The following PIP5K1B variants were observed in gnomAD, a reference collection of about 807,000 sequenced individuals.
PIP5K1B encodes phosphatidylinositol-4-phosphate 5-kinase type 1 beta.
In PIP5K1B, 42 loss-of-function variants were observed where a neutral mutation model predicts 67.0. The observed-to-expected ratio is 0.63, with a 90% CI of 0.49 to 0.81. PIP5K1B has a LOEUF of 0.81. Ranked by LOEUF, PIP5K1B falls within the 30% of genes least tolerant of loss-of-function variation. The pLI, the probability that PIP5K1B is intolerant of heterozygous loss-of-function variation, is 0.00. For synonymous variants in PIP5K1B, 214 were observed against 231.4 expected, an observed-to-expected ratio of 0.92 and a Z score of 0.68; for missense variants, 459 against 646.3, an observed-to-expected ratio of 0.71 and a Z score of 3.14.
intron 1 of PIP5K1B, among the ~76,000 whole-genome samples, chr9:68,731,346 T>C (rs113341345): frequency 7.9e-5 from 12 of 152,336 alleles, no homozygotes; most frequent in African/African-American, 2.6e-4. Flanking sequence ...TCAGTGATGA[T>C]CCAGTTCCTT....
intron 1 of PIP5K1B, among the ~76,000 whole-genome samples, chr9:68,724,614 G>A (rs1828064394): frequency 6.6e-6 from 1 of 151,850 alleles, no homozygotes; most frequent in Non-Finnish European, 1.5e-5. Context: ...TTTCATCAAT[G>A]TTGTATAGTT....
At chr9:68,738,749 T>G (rs1425910979) in intron 1 of PIP5K1B, among the ~76,000 whole-genome samples, 3 of 152,218 alleles carry the variant, frequency 2.0e-5, no homozygotes, top group African/African-American at 7.2e-5. Context: ...AGGCCCTCTC[T>G]GAGAAGGGGC....
At chr9:68,891,601 C>G (rs1388553148) in intron 7 of PIP5K1B, among the ~76,000 whole-genome samples, 3 of 152,102 alleles carry the variant, frequency 2.0e-5, no homozygotes, top group African/African-American at 7.2e-5. Flanking sequence ...ATCAATAGTC[C>G]TTTCTGATAA....
At chr9:68,718,029 C>T (rs1250980320) in intron 1 of PIP5K1B, among the ~76,000 whole-genome samples, 2 of 152,188 alleles carry the variant, frequency 1.3e-5, no homozygotes, top group Non-Finnish European at 2.9e-5. Flanking sequence ...TGCCATCCCC[C>T]TGGCACTGCC....
At chr9:68,726,530 T>C (rs1828155795) in intron 1 of PIP5K1B, among the ~76,000 whole-genome samples, 1 of 152,224 alleles carries the variant, frequency 6.6e-6, no homozygotes, top group Admixed American at 6.5e-5. Context: ...TTCTCAGTTT[T>C]CTGCTTTTAG....
At chr9:68,938,662 G>A (rs1827398496) in intron 13 of PIP5K1B, among the ~76,000 whole-genome samples, 1 of 151,992 alleles carries the variant, frequency 6.6e-6, no homozygotes, top group African/African-American at 2.4e-5. Flanking sequence ...TTTGAGCTGG[G>A]CTGAGTTCTT....
chr9:68,782,528 A>C (rs1226065604), intron 2 of PIP5K1B: 1 of 167,118 alleles, frequency 6.0e-6, no homozygotes, highest in Non-Finnish European at 1.5e-5. Context: ...AACAAGACAA[A>C]AGCTCTGACT....
intron 15 of PIP5K1B, among the ~76,000 whole-genome samples, chr9:69,004,337 T>TGTGTGTG (rs1564311765): frequency 0.027 from 4,030 of 148,316 alleles, 62 homozygotes; most frequent in East Asian, 0.058. Context: ...GTGTGTGTTT[T>TGTGTGTG]TGTGTGTGTG....
At chr9:68,799,458 A>G (rs28535486) in intron 2 of PIP5K1B, among the ~76,000 whole-genome samples, 8,869 of 152,250 alleles carry the variant, frequency 0.058, 440 homozygotes, top group African/African-American at 0.13. Context: ...AAGAAGAGCA[A>G]AGTTGAAGGC....
chr9:68,839,510 C>T (rs1351918001), intron 4 of PIP5K1B, among the ~76,000 whole-genome samples: 1 of 152,046 alleles, frequency 6.6e-6, no homozygotes, highest in Non-Finnish European at 1.5e-5. Context: ...CCCTTAAACA[C>T]CCTGTGGATT....
chr9:68,860,836 C>A (rs1161602126), intron 4 of PIP5K1B, among the ~76,000 whole-genome samples: 2 of 152,184 alleles, frequency 1.3e-5, no homozygotes, highest in Non-Finnish European at 2.9e-5. Context: ...TGGAGCCAGC[C>A]TCCCTAGAGG....
chr9:68,724,561 G>A (rs1055489462), intron 1 of PIP5K1B, among the ~76,000 whole-genome samples: 4 of 152,036 alleles, frequency 2.6e-5, no homozygotes, highest in African/African-American at 9.7e-5. Context: ...TCCAATCTCT[G>A]AGCATGAGAC....
At chr9:68,763,504 A>G (rs542180420) in intron 2 of PIP5K1B, among the ~76,000 whole-genome samples, 119 of 152,242 alleles carry the variant, frequency 7.8e-4, no homozygotes, top group African/African-American at 2.8e-3. Flanking sequence ...GATGATCACA[A>G]TGATATTACA....
At chr9:68,821,773 T>G (rs1833742698) in intron 3 of PIP5K1B, among the ~76,000 whole-genome samples, 1 of 152,252 alleles carries the variant, frequency 6.6e-6, no homozygotes, top group Non-Finnish European at 1.5e-5. Context: ...AAATAATTAT[T>G]GTACTATTTG....
intron 4 of PIP5K1B, among the ~76,000 whole-genome samples, chr9:68,831,041 T>G (rs1834287888): frequency 6.6e-6 from 1 of 152,184 alleles, no homozygotes; most frequent in Non-Finnish European, 1.5e-5. Flanking sequence ...AATTTAAAAT[T>G]CTAAAGTTCT....
chr9:68,831,643 TCAGA>T (rs1834327054), intron 4 of PIP5K1B, among the ~76,000 whole-genome samples: 1 of 152,144 alleles, frequency 6.6e-6, no homozygotes, highest in South Asian at 2.1e-4. Context: ...TAAGATAAAC[TCAGA>T]CAGCTTTGGA....
chr9:68,725,036 C>T (rs1316017414), intron 1 of PIP5K1B, among the ~76,000 whole-genome samples: 1 of 152,150 alleles, frequency 6.6e-6, no homozygotes, highest in Non-Finnish European at 1.5e-5. Context: ...AGATCTACAA[C>T]ACCCAGTGCA....
intron 2 of PIP5K1B, among the ~76,000 whole-genome samples, chr9:68,801,589 A>G (rs1472093706): frequency 6.6e-6 from 1 of 152,250 alleles, no homozygotes; most frequent in Non-Finnish European, 1.5e-5. Flanking sequence ...TTTAATAATA[A>G]GATTACAGAG....
At chr9:69,001,803 C>T (rs1188621446) in intron 15 of PIP5K1B, among the ~76,000 whole-genome samples, 1 of 152,130 alleles carries the variant, frequency 6.6e-6, no homozygotes, top group East Asian at 1.9e-4. Context: ...CATGAGGTAA[C>T]CACCCAGATT....
Sources: allele counts gnomAD v4.1 joint callset (sites outside exome capture counted in the v4.1 genomes callset), GRCh38; gene constraint gnomAD v4.1.1; transcripts MANE v1.5; gene names NCBI Gene and HGNC (gene_info 2026-07-23, HGNC 2026-07-21).